RGPD8: variants seen among roughly 807,000 people sequenced by gnomAD.
The protein encoded by RGPD8 is RANBP2 like and GRIP domain containing 8.
A neutral mutation model predicts 89.1 loss-of-function variants in RGPD8; 15 were observed. The ratio of observed to expected loss-of-function variants is 0.17; its 90% CI spans 0.11 to 0.26. RGPD8 has a LOEUF of 0.26. RGPD8 is among the 10% of genes least tolerant of loss of function. The pLI is 1.00. For synonymous variants in RGPD8, 62 were observed against 420.9 expected (o/e 0.15, Z 10.44); for missense variants, 178 against 1,179.6 (o/e 0.15, Z 12.44).
Position 112,390,105 on chromosome 2 carries a change from T to C in RGPD8, c.2840A>G (p.Gln947Arg). The C allele has an allele frequency of 2.5e-6, 4 of 1,604,530 alleles. No individual in the cohort carries two copies. Among genetic ancestry groups the C allele is most frequent in the Non-Finnish European group, 3.4e-6 (4 of 1,176,292 alleles). The change falls in exon 20 of 23, where the codon CAG becomes CGG. Residue 947 changes from glutamine to arginine, a missense_variant. Gln to Arg is a conservative substitution (Grantham distance 43). Coordinates refer to ENST00000302558, the MANE Select transcript of RGPD8 (RefSeq NM_001164463.1). Reference sequence around the variant, plus strand: ...CTTCCGGCCCCTAATATCCTGAGCCTGTAAGCCAGTATCATTTTCAAGAGG... The same window carrying C: ...CTTCCGGCCCCTAATATCCTGAGCCCGTAAGCCAGTATCATTTTCAAGAGG... The part of the protein sequence containing the change: ...EKPLENDTGL[Q>R]AQDIRGRKKG...
intron 9 of RGPD8, among the ~76,000 whole-genome samples, chr2:112,402,528 G>A (rs1352381330): frequency 6.6e-6 from 1 of 152,206 alleles, no homozygotes; most frequent in East Asian, 1.9e-4. Flanking sequence ...GAAAAGAAAA[G>A]AAAAGGTTAT....
At position 112,377,280 on chromosome 2, in the gene RGPD8, G is replaced by T. The variant is rs1297428765; in HGVS notation, c.5263+773C>A. Among the ~76,000 whole-genome samples, 510 of 52,470 alleles carry T rather than the reference G, an allele frequency of 9.7e-3. 110 individuals are homozygous for T. Among genetic ancestry groups the T allele is most frequent in the Non-Finnish European group, 0.011 (336 of 30,616 alleles). The allele number at this position is 52,470 out of a possible 152,430, so 34.4% of individuals were successfully genotyped here. ...GGAAACCAACTCTAACTACATCATA[G>T]TTTTTTTTTTTTTTTTTTTTGAGAT... On this transcript the variant is annotated intron_variant, in intron 22 of 22. Transcript: ENST00000302558.
At chr2:112,373,467 C>A (rs1315729864) in intron 22 of RGPD8, among the ~76,000 whole-genome samples, 1 of 152,278 alleles carries the variant, frequency 6.6e-6, no homozygotes, top group Non-Finnish European at 1.5e-5. Flanking sequence ...CCCAAATACA[C>A]CCAAACCCAC....
chr2:112,387,234 TCTGA>T (rs1678491248), intron 20 of RGPD8: 1 of 47,440 alleles, frequency 2.1e-5, no homozygotes, highest in Admixed American at 2.6e-4. Flanking sequence ...ATACCACCAA[TCTGA>T]CTGTCTTACA....
At chr2:112,370,359 G>GGGGGGGTGT (rs1249646916) in intron 22 of RGPD8, 147 bp from the exon 23 acceptor site, 2 of 100,750 alleles carry the variant, frequency 2.0e-5, no homozygotes, top group Non-Finnish European at 3.4e-5. Context: ...GGGGGGGGGG[G>GGGGGGGTGT]TTCTTTTTTT....
rs1678316800 is a variant in RGPD8, at chr2:112,381,941, T to C, written c.4922-978A>G. Reference sequence around the variant, plus strand: ...ATTAAAGGATGCAAAGTATTAATCCTGAGTGTTGTCTGTGAGGGTGTTGCC... The same window carrying C: ...ATTAAAGGATGCAAAGTATTAATCCCGAGTGTTGTCTGTGAGGGTGTTGCC... On this transcript the variant is annotated intron_variant, in intron 20 of 22. Transcript: ENST00000302558. 2.0e-5 allele frequency among the ~76,000 whole-genome samples: 3 copies of C among 152,304 alleles called. No homozygotes were observed. In the South Asian group the frequency reaches 6.2e-4, roughly 32 times the overall value.
chr2:112,400,029 C>CT lies in RGPD8; in HGVS notation c.1917+6dup, dbSNP rs1678876456. 47 of 346,376 alleles carry CT rather than the reference C, an allele frequency of 1.4e-4. No homozygotes were observed. Among genetic ancestry groups the CT allele is most frequent in the South Asian group, 1.1e-3 (47 of 40,932 alleles). 21.5% of individuals were successfully genotyped at this position (346,376 alleles called of 1,614,324 possible). ...TCTCCAATAAATTCATAAAGGAACT[C>CT]TGTTACCTGAATGTCTACACTATGA... is the stretch of plus-strand genomic sequence containing the variant. On this transcript the variant is annotated splice_region_variant and intron_variant, in intron 13 of 22. Coordinates refer to ENST00000302558, the MANE Select transcript of RGPD8 (RefSeq NM_001164463.1).
chr2:112,402,472 A>G (rs1422779901), intron 9 of RGPD8, among the ~76,000 whole-genome samples: 1 of 151,310 alleles, frequency 6.6e-6, no homozygotes, highest in South Asian at 2.1e-4. Flanking sequence ...CCTGGGTGAC[A>G]GAGCGAGACT....
intron 7 of RGPD8, among the ~76,000 whole-genome samples, chr2:112,409,756 T>C: frequency 1.4e-5 from 2 of 144,420 alleles, no homozygotes; most frequent in African/African-American, 2.8e-5. Flanking sequence ...CAGTGAGTTA[T>C]GATCATGCCA....
rs566807715 is a variant in RGPD8 at position 112,433,420 on chromosome 2, C to T, written c.34G>A (p.Val12Ile). Reference protein sequence around the residue: ...RRSKADVERYVASVLGLTPSP... With the variant: ...RRSKADVERYIASVLGLTPSP... ...GGGGTGAGACCCAGCACCGAGGCGA[C>T]GTACCGCTCCACATCGGCCTTGCTG... is the stretch of plus-strand genomic sequence containing the variant. The change falls in exon 1 of 23, where the codon GTC (valine) becomes ATC (isoleucine). Residue 12 changes from valine (V) to isoleucine (I), a missense_variant. Physicochemically the swap from Val to Ile is conservative, Grantham distance 29. Coordinates refer to ENST00000302558, the MANE Select transcript of RGPD8 (RefSeq NM_001164463.1). The T allele has an allele frequency of 6.2e-7, 1 of 1,610,440 alleles. No homozygotes were observed. Among genetic ancestry groups the T allele is most frequent in the East Asian group, 2.2e-5 (1 of 44,838 alleles).
intron 1 of RGPD8, among the ~76,000 whole-genome samples, chr2:112,424,508 T>TC (rs1445986723): frequency 6.6e-6 from 1 of 151,924 alleles, no homozygotes; most frequent in Non-Finnish European, 1.5e-5. Flanking sequence ...TCACCTGAGG[T>TC]CAGGAGTTTG....
At chr2:112,372,684 C>A in intron 22 of RGPD8, among the ~76,000 whole-genome samples, 1 of 18,206 alleles carries the variant, frequency 5.5e-5, no homozygotes, top group East Asian at 1.1e-3. Flanking sequence ...CTTGTGCAAA[C>A]AATGTTCCTG....
intron 18 of RGPD8, chr2:112,392,982 CTGAG>C (rs1678762075): frequency 1.7e-6 from 1 of 572,334 alleles, no homozygotes; most frequent in African/African-American, 1.9e-5. Flanking sequence ...TTCAGTACTT[CTGAG>C]TATCTCCTAT....
chr2:112,428,650 C>A (rs1363793641), intron 1 of RGPD8, among the ~76,000 whole-genome samples: 1 of 151,558 alleles, frequency 6.6e-6, no homozygotes, highest in Non-Finnish European at 1.5e-5. Flanking sequence ...GGAAGAAAAA[C>A]CAATCCGGGT....
chr2:112,429,247 C>G (rs1007954422), intron 1 of RGPD8, among the ~76,000 whole-genome samples: 2 of 151,548 alleles, frequency 1.3e-5, no homozygotes, highest in Admixed American at 1.3e-4. Flanking sequence ...GGTGAAACTC[C>G]GTCTCTACTA....
At chr2:112,423,432 A>AAC (rs1456867399) in intron 2 of RGPD8, among the ~76,000 whole-genome samples, 1 of 52,674 alleles carries the variant, frequency 1.9e-5, no homozygotes, top group African/African-American at 8.4e-5. Flanking sequence ...TGGGAGCAGT[A>AAC]ACACACACCT....
intron 1 of RGPD8, 39 bp downstream of exon 1, chr2:112,433,343 G>A (rs1680147156): frequency 6.6e-7 from 1 of 1,514,794 alleles, no homozygotes; most frequent in South Asian, 1.2e-5. Context: ...CCGCCGCCCG[G>A]CCGGGTCGAG....
intron 1 of RGPD8, among the ~76,000 whole-genome samples, chr2:112,425,811 T>TAA (rs1030383224): frequency 2.0e-5 from 3 of 150,586 alleles, no homozygotes; most frequent in Non-Finnish European, 4.4e-5. Flanking sequence ...ATCCATGTGA[T>TAA]AGAGTATACA....
intron 1 of RGPD8, among the ~76,000 whole-genome samples, chr2:112,431,651 T>C (rs1680042780): frequency 6.6e-6 from 1 of 152,104 alleles, no homozygotes; most frequent in South Asian, 2.1e-4. Flanking sequence ...GTTTTTTTTT[T>C]TTTTTTCTGG....
Sources: allele counts gnomAD v4.1 joint callset (sites outside exome capture counted in the v4.1 genomes callset), GRCh38; gene constraint gnomAD v4.1.1; transcripts MANE v1.5; gene names NCBI Gene and HGNC (gene_info 2026-07-23, HGNC 2026-07-21).